SDCCAG8: variants seen among roughly 807,000 people sequenced by gnomAD.
SDCCAG8 encodes serologically defined colon cancer antigen 8.
In SDCCAG8, 74 loss-of-function variants were observed where a neutral mutation model predicts 101.8. That is an observed-to-expected ratio of 0.73 (90% CI 0.60 to 0.88). The LOEUF (loss-of-function observed/expected upper bound fraction) is 0.88. SDCCAG8 is among the 40% of genes least tolerant of loss of function. The pLI is 0.00. For synonymous variants in SDCCAG8, 281 were observed against 292.9 expected (o/e 0.96, Z 0.41); for missense variants, 787 against 822.6 (o/e 0.96, Z 0.53).
At chr1:243,403,287 A>C (rs2079529114) in intron 13 of SDCCAG8, among the ~76,000 whole-genome samples, 1 of 151,768 alleles carries the variant, frequency 6.6e-6, no homozygotes, top group Admixed American at 6.6e-5. Context: ...GGCCAATGCT[A>C]CCTCCCCCTG....
At chr1:243,382,642 G>A (rs1431215733) in intron 13 of SDCCAG8, among the ~76,000 whole-genome samples, 1 of 152,046 alleles carries the variant, frequency 6.6e-6, no homozygotes, top group Admixed American at 6.6e-5. Context: ...AAGTCAAGAG[G>A]GCTTGAATAA....
chr1:243,379,645 T>A (rs1435571869), intron 13 of SDCCAG8, among the ~76,000 whole-genome samples: 2 of 152,194 alleles, frequency 1.3e-5, no homozygotes, highest in African/African-American at 2.4e-5. Context: ...TCTTTTCACT[T>A]TGAGTTTTAT....
chr1:243,399,211 G>T (rs989742956), intron 13 of SDCCAG8, among the ~76,000 whole-genome samples: 9 of 152,090 alleles, frequency 5.9e-5, no homozygotes, highest in Non-Finnish European at 1.0e-4. Context: ...TAATACCAAC[G>T]GTGGTTGAGT....
intron 16 of SDCCAG8, among the ~76,000 whole-genome samples, chr1:243,450,336 C>T (rs983086604): frequency 2.0e-5 from 3 of 152,234 alleles, no homozygotes; most frequent in African/African-American, 4.8e-5. Flanking sequence ...GTTCTTTCCA[C>T]CACACCATTA....
At chr1:243,264,261 C>T (rs2067412249) in intron 1 of SDCCAG8, among the ~76,000 whole-genome samples, 1 of 152,194 alleles carries the variant, frequency 6.6e-6, no homozygotes, top group Non-Finnish European at 1.5e-5. Context: ...TTGATGAAGA[C>T]AGGCCCAGTG....
At chr1:243,368,370 AGTC>A (rs2147873766) in intron 12 of SDCCAG8, among the ~76,000 whole-genome samples, 1 of 152,278 alleles carries the variant, frequency 6.6e-6, no homozygotes, top group East Asian at 1.9e-4. Flanking sequence ...GGTCTACATT[AGTC>A]TTTTTAGTTA....
intron 16 of SDCCAG8, among the ~76,000 whole-genome samples, chr1:243,487,366 C>T (rs981795380): frequency 2.6e-5 from 4 of 152,188 alleles, no homozygotes. Context: ...GTGATGGGGA[C>T]GGGTAGGGGC....
At chr1:243,335,152 A>C (rs1181708177) in intron 10 of SDCCAG8, among the ~76,000 whole-genome samples, 19 of 152,206 alleles carry the variant, frequency 1.2e-4, no homozygotes, top group Non-Finnish European at 7.3e-5. Context: ...GTTATGGCTA[A>C]AATGCTGAGA....
intron 3 of SDCCAG8, among the ~76,000 whole-genome samples, chr1:243,273,716 G>A (rs1048591577): frequency 2.0e-5 from 3 of 152,210 alleles, no homozygotes; most frequent in Non-Finnish European, 2.9e-5. Context: ...AGCTGCTGCA[G>A]TTTTAGCTAG....
At chr1:243,472,104 G>T (rs1192475182) in intron 16 of SDCCAG8, among the ~76,000 whole-genome samples, 1 of 152,180 alleles carries the variant, frequency 6.6e-6, no homozygotes, top group Non-Finnish European at 1.5e-5. Flanking sequence ...GCCTTTTAGG[G>T]CAAACAGATC....
At chr1:243,301,786 TAAAAC>T (rs912358553) in intron 6 of SDCCAG8, among the ~76,000 whole-genome samples, 3 of 152,076 alleles carry the variant, frequency 2.0e-5, no homozygotes, top group Admixed American at 6.6e-5. Flanking sequence ...TATGACAACT[TAAAAC>T]AAAAGGAAAG....
intron 11 of SDCCAG8, among the ~76,000 whole-genome samples, chr1:243,341,825 C>G (rs1007177062): frequency 2.0e-5 from 3 of 152,136 alleles, no homozygotes; most frequent in African/African-American, 7.2e-5. Context: ...AGAAGTCCAT[C>G]TAGATTTCAA....
At chr1:243,437,487 G>GA in intron 16 of SDCCAG8, among the ~76,000 whole-genome samples, 1 of 151,000 alleles carries the variant, frequency 6.6e-6, no homozygotes. Flanking sequence ...ATTCTTTTGA[G>GA]AAATAATATC....
intron 9 of SDCCAG8, among the ~76,000 whole-genome samples, chr1:243,327,498 TA>T (rs2074270438): frequency 6.7e-6 from 1 of 149,600 alleles, no homozygotes; most frequent in Non-Finnish European, 1.5e-5. Flanking sequence ...AATTATAATT[TA>T]TAATTTTGTA....
chr1:243,454,710 C>G (rs773690578), intron 16 of SDCCAG8, among the ~76,000 whole-genome samples: 9 of 152,156 alleles, frequency 5.9e-5, no homozygotes, highest in Non-Finnish European at 1.0e-4. Flanking sequence ...ACTGAGATGT[C>G]TAAAGCCTGT....
chr1:243,419,706 C>T (rs964475414), intron 15 of SDCCAG8, among the ~76,000 whole-genome samples: 39 of 152,154 alleles, frequency 2.6e-4, no homozygotes, highest in Non-Finnish European at 1.6e-4. Context: ...CCAAAGTATA[C>T]GTTCTTTCTT....
chr1:243,487,684 G>A (rs3006924), intron 16 of SDCCAG8: 4 of 152,168 alleles, frequency 2.6e-5, no homozygotes, highest in African/African-American at 9.7e-5. Context: ...GACAGGCAAG[G>A]GGGGCGGTGG....
chr1:243,448,120 G>A (rs193184409), intron 16 of SDCCAG8, among the ~76,000 whole-genome samples: 2 of 152,158 alleles, frequency 1.3e-5, no homozygotes, highest in Non-Finnish European at 2.9e-5. Context: ...GCAGGCACCC[G>A]CATTGCTGAA....
chr1:243,348,163 G>A (rs2075844280), intron 12 of SDCCAG8, among the ~76,000 whole-genome samples: 1 of 148,890 alleles, frequency 6.7e-6, no homozygotes, highest in Non-Finnish European at 1.5e-5. Context: ...AGCCTCCCGA[G>A]TAGCTGGGAC....
Sources: allele counts gnomAD v4.1 joint callset (sites outside exome capture counted in the v4.1 genomes callset), GRCh38; gene constraint gnomAD v4.1.1; transcripts MANE v1.5; gene names NCBI Gene and HGNC (gene_info 2026-07-23, HGNC 2026-07-21).